The following MYH15 variants were observed in gnomAD, a reference collection of about 807,000 sequenced individuals.
The protein encoded by MYH15 is myosin heavy chain 15, also known as myosin-15.
A neutral mutation model predicts 240.5 loss-of-function variants in MYH15; 227 were observed. The observed-to-expected ratio is 0.94, with a 90% confidence interval of 0.85 to 1.05. MYH15 has a LOEUF of 1.05. Ranked by LOEUF, MYH15 falls within the 50% of genes least tolerant of loss-of-function variation. The pLI is 0.00. For missense variants in MYH15, 2,217 were observed against 2,247.5 expected (o/e 0.99, Z 0.27); for synonymous variants, 785 against 796.7 (o/e 0.99, Z 0.25).
intron 26 of MYH15, among the ~76,000 whole-genome samples, chr3:108,429,179 G>A (rs750902280): frequency 1.3e-5 from 2 of 152,092 alleles, no homozygotes; most frequent in Non-Finnish European, 1.5e-5. Flanking sequence ...TCTTTCATAC[G>A]ACCAAAAAAA....
intron 18 of MYH15, 37 bp from the exon 19 acceptor site, chr3:108,456,920 G>GA (rs773606037): frequency 2.1e-5 from 30 of 1,457,372 alleles, no homozygotes; most frequent in African/African-American, 2.8e-5. Flanking sequence ...ATCTGTGCCT[G>GA]AAAAAAAATT....
intron 11 of MYH15, among the ~76,000 whole-genome samples, chr3:108,479,208 C>A (rs930171467): frequency 6.6e-6 from 1 of 152,114 alleles, no homozygotes; most frequent in Non-Finnish European, 1.5e-5. Flanking sequence ...AATCATATTC[C>A]CAAATAGGCT....
rs892970855 is a variant in MYH15, at chr3:108,483,417, A to G, written c.1114+1674T>C. ...TTATACCCATGAAGATGGCTACTAT[A>G]AAAAAAAAAAACCAAAAAACAGAAA... On this transcript the variant is annotated intron_variant, in intron 11 of 40. Transcript: ENST00000693548. Among the ~76,000 whole-genome samples the G allele has an allele frequency of 8.5e-5, 6 of 70,550 alleles. 1 individual carries two copies. Among genetic ancestry groups the G allele is most frequent in the East Asian group, 6.0e-4 (3 of 4,976 alleles). The allele number at this position is 70,550 out of a possible 152,430, so 46.3% of individuals were successfully genotyped here. A position where few individuals can be genotyped will look rare whatever the true frequency, so the allele number is the denominator to read the frequency against.
rs759136147 is a variant in MYH15, at chr3:108,470,105, GCTTT to G, written c.1487_1490del (p.Glu496AlafsTer17). On this transcript the variant is annotated frameshift_variant, in exon 14 of 41. Transcript: ENST00000693548. LOFTEE classifies it high-confidence loss of function. ...CAAAGCCAATAGACACCCATTCAATGCTTTCTTTCTTATATTCCTCTTGCTCCAG... is the reference window on the plus strand; with the variant it reads ...CAAAGCCAATAGACACCCATTCAATGCTTTCTTATATTCCTCTTGCTCCAG... 11 of 1,611,790 alleles carry G rather than the reference GCTTT, an allele frequency of 6.8e-6. No individual in the cohort carries two copies. Among genetic ancestry groups the G allele is most frequent in the African/African-American group, 1.3e-5 (1 of 74,714 alleles).
chr3:108,509,170 C>CTT lies in MYH15; in HGVS notation c.88+1271_88+1272dup, dbSNP rs756685503. 3.3e-5 allele frequency among the ~76,000 whole-genome samples: 5 copies of CTT among 152,196 alleles called. 1 individual carries two copies. The South Asian group carries it at 1.0e-3, about 31-fold the overall frequency. On this transcript the variant is annotated intron_variant, in intron 1 of 40. Coordinates refer to ENST00000693548, the MANE Select transcript of MYH15 (RefSeq NM_014981.3). ...TCTACCAGCCTGGGAAGATGAACAA[C>CTT]TTTTGCTAACACTTGTCTCTGCTGC...
At chr3:108,415,647 A>G (rs2082627018) in intron 29 of MYH15, among the ~76,000 whole-genome samples, 1 of 152,294 alleles carries the variant, frequency 6.6e-6, no homozygotes. Flanking sequence ...GCAGATAAAC[A>G]CGATCTAGAA....
Position 108,430,813 on chromosome 3 carries a change from A to G in MYH15, c.3312+19T>C, listed in dbSNP as rs768722461. On this transcript the variant is annotated intron_variant, in intron 26 of 40. Coordinates refer to ENST00000693548, the MANE Select transcript of MYH15 (RefSeq NM_014981.3). ...TGGATCTAAATATAAATACACAGGC[A>G]TATTTGATAATTGATTACCTGAAGC... is the stretch of plus-strand genomic sequence containing the variant. The G allele has an allele frequency of 1.0e-5, 16 of 1,565,380 alleles. No individual in the cohort carries two copies. Among genetic ancestry groups the G allele is most frequent in the Non-Finnish European group, 1.4e-5 (16 of 1,139,060 alleles).
At position 108,505,710 on chromosome 3, in the gene MYH15, A is replaced by C; in HGVS notation, c.195+13T>G. Reference sequence around the variant, plus strand: ...ACATAGTCATCACTGCAATGAAATAAAAATTTCTTTACCTCTCCATCTGCT... The same window carrying C: ...ACATAGTCATCACTGCAATGAAATACAAATTTCTTTACCTCTCCATCTGCT... On this transcript the variant is annotated intron_variant, in intron 2 of 40. Coordinates refer to ENST00000693548, the MANE Select transcript of MYH15 (RefSeq NM_014981.3). 6.5e-7 allele frequency: 1 copy of C among 1,536,584 alleles called. No individual in the cohort carries two copies. Among genetic ancestry groups the C allele is most frequent in the South Asian group, 1.2e-5 (1 of 86,444 alleles).
At chr3:108,423,180 C>T (rs1040318582) in intron 27 of MYH15, among the ~76,000 whole-genome samples, 2 of 152,202 alleles carry the variant, frequency 1.3e-5, no homozygotes, top group Non-Finnish European at 2.9e-5. Flanking sequence ...AGGGGCCAGG[C>T]TTCAACCCAA....
In MYH15 at chr3:108,380,899, A is replaced by G. The variant is rs899508136; in HGVS notation, c.*646T>C. 6.5e-6 allele frequency: 1 copy of G among 152,746 alleles called. No individual in the cohort carries two copies. The highest frequency in any genetic ancestry group is 1.9e-4 in the East Asian group (1 of 5,210). 9.5% of individuals were successfully genotyped at this position (152,746 alleles called of 1,614,324 possible). On this transcript the variant is annotated 3_prime_UTR_variant, in exon 41 of 41. Transcript: ENST00000693548. Reference sequence around the variant, plus strand: ...TCCAGCTGAGCCAAATCGGTACTGCACAAATCCAGCATATTACCTGTCACT... The same window carrying G: ...TCCAGCTGAGCCAAATCGGTACTGCGCAAATCCAGCATATTACCTGTCACT...
At chr3:108,544,175 A>C in the MYH15 span, among the ~76,000 whole-genome samples, 786 of 152,314 alleles carry the variant, frequency 5.2e-3, 5 homozygotes, top group African/African-American at 0.018. Context: ...ATGTTAAAAC[A>C]GAAAGTGCAT....
intron 16 of MYH15, 34 bp from the exon 17 acceptor site, chr3:108,460,401 A>T (rs772651620): frequency 2.7e-5 from 42 of 1,528,164 alleles, no homozygotes; most frequent in Non-Finnish European, 3.7e-5. Context: ...AGATGAAAAC[A>T]TGTAAAAAGC....
chr3:108,400,626 C>T (rs111608385), intron 33 of MYH15, among the ~76,000 whole-genome samples: 18,390 of 151,990 alleles, frequency 0.12, 1,447 homozygotes, highest in Non-Finnish European at 0.18. Context: ...CTGGCCAACA[C>T]GGTGAAATCC....
chr3:108,457,506 C>T (rs914463872), intron 18 of MYH15, among the ~76,000 whole-genome samples: 3 of 152,062 alleles, frequency 2.0e-5, no homozygotes, highest in East Asian at 1.9e-4. Flanking sequence ...TCAGCTGCAA[C>T]GTCCAATAGA....
chr3:108,437,416 T>A (rs1316831555), intron 25 of MYH15, 138 bp downstream of exon 25: 20 of 1,076,310 alleles, frequency 1.9e-5, no homozygotes, highest in African/African-American at 8.1e-5. Context: ...AAAAAAAAAA[T>A]TGTTTCCTAG....
chr3:108,449,324 C>A (rs1008732055), intron 21 of MYH15, among the ~76,000 whole-genome samples: 2 of 151,874 alleles, frequency 1.3e-5, no homozygotes, highest in Non-Finnish European at 2.9e-5. Flanking sequence ...ATCACATTAC[C>A]TAATTTCAAA....
the MYH15 span, among the ~76,000 whole-genome samples, chr3:108,540,553 C>T: frequency 0.019 from 2,919 of 152,218 alleles, 104 homozygotes; most frequent in African/African-American, 0.067. Flanking sequence ...GTCACATTAT[C>T]TTTATAGATA....
intron 2 of MYH15, among the ~76,000 whole-genome samples, chr3:108,504,256 A>T (rs570417291): frequency 6.6e-6 from 1 of 152,320 alleles, no homozygotes; most frequent in Admixed American, 6.5e-5. Context: ...TCTATTTCTT[A>T]GTTTACTGAT....
chr3:108,466,305 G>A (rs1051260340), intron 14 of MYH15, among the ~76,000 whole-genome samples: 14 of 152,272 alleles, frequency 9.2e-5, no homozygotes, highest in South Asian at 4.1e-4. Context: ...TTTATATAGC[G>A]CATAATTTTT....
Sources: gnomAD v4.1 joint callset for allele counts (sites outside exome capture counted in the v4.1 genomes callset) on GRCh38, gnomAD v4.1.1 for gene constraint, MANE v1.5 for transcripts, NCBI Gene and HGNC (gene_info 2026-07-23, HGNC 2026-07-21) for gene names.